The following CLSTN2 variants were observed in gnomAD, a reference collection of about 807,000 sequenced individuals.
CLSTN2 encodes the protein calsyntenin-2.
Under a neutral mutation model 101.2 loss-of-function variants are expected in CLSTN2, and 48 were observed. The ratio of observed to expected loss-of-function variants is 0.47; its 90% CI spans 0.38 to 0.60. The LOEUF is 0.60. CLSTN2 is among the 20% of genes least tolerant of loss of function. The probability of loss-of-function intolerance (pLI) is 0.00; values close to 1 mark genes in which losing one functional copy is unlikely to be tolerated. For missense variants in CLSTN2, 1,160 were observed against 1,238.2 expected (o/e 0.94, Z 0.95); for synonymous variants, 481 against 463.6 (o/e 1.04, Z -0.48).
intron 8 of CLSTN2, among the ~76,000 whole-genome samples, chr3:140,524,581 G>A (rs1935098829): frequency 6.6e-6 from 1 of 152,096 alleles, no homozygotes; most frequent in African/African-American, 2.4e-5. Flanking sequence ...CTAGACACTT[G>A]ACCAACTGGA....
chr3:140,434,203 A>T (rs2088665480), intron 5 of CLSTN2, among the ~76,000 whole-genome samples: 1 of 152,124 alleles, frequency 6.6e-6, no homozygotes, highest in Non-Finnish European at 1.5e-5. Context: ...TCTACCTCCC[A>T]GAGATCCTGG....
chr3:140,267,271 A>C (rs577604334), intron 2 of CLSTN2, among the ~76,000 whole-genome samples: 43 of 152,308 alleles, frequency 2.8e-4, no homozygotes, highest in Admixed American at 2.7e-3. Flanking sequence ...AAAAAGCAGA[A>C]TGAGGAGAAT....
intron 1 of CLSTN2, among the ~76,000 whole-genome samples, chr3:139,995,719 A>T (rs574909556): frequency 1.6e-4 from 25 of 152,050 alleles, no homozygotes; most frequent in African/African-American, 5.8e-4. Context: ...GGGGCCGCAG[A>T]TCTATCTGCC....
chr3:140,446,014 A>T (rs1201623295), intron 5 of CLSTN2, among the ~76,000 whole-genome samples: 1 of 110,112 alleles, frequency 9.1e-6, no homozygotes, highest in African/African-American at 5.3e-5. Context: ...GGCAAGAGGG[A>T]TAGTGATAGG....
chr3:139,988,421 C>T (rs745421383), intron 1 of CLSTN2, among the ~76,000 whole-genome samples: 1 of 152,206 alleles, frequency 6.6e-6, no homozygotes. Flanking sequence ...ACGGTGACCA[C>T]TTGGTCCATA....
intron 8 of CLSTN2, among the ~76,000 whole-genome samples, chr3:140,483,797 A>G (rs923899503): frequency 3.3e-5 from 5 of 150,982 alleles, no homozygotes; most frequent in African/African-American, 1.2e-4. Flanking sequence ...TTATTTATTT[A>G]TTGCTTTCCG....
At position 140,314,462 on chromosome 3, in the gene CLSTN2, A is replaced by G. The variant is rs571315703; in HGVS notation, c.233-89167A>G. 2.0e-4 allele frequency among the ~76,000 whole-genome samples: 31 copies of G among 152,206 alleles called. No individual in the cohort carries two copies. The South Asian group carries it at 6.4e-3, about 32-fold the overall frequency. ...CCCGTTATACTGGATGAGAGCTGCT[A>G]ACTCTCAAGATCCCACCCATGTGCC... On this transcript the variant is annotated intron_variant, in intron 2 of 16. Transcript: ENST00000458420.
intron 2 of CLSTN2, among the ~76,000 whole-genome samples, chr3:140,274,851 C>T (rs1294454880): frequency 5.3e-5 from 8 of 152,148 alleles, no homozygotes; most frequent in Admixed American, 1.3e-4. Context: ...GCTGGGAAAT[C>T]AGGAAATATT....
intron 6 of CLSTN2, among the ~76,000 whole-genome samples, chr3:140,458,805 C>T (rs1029149678): frequency 3.3e-5 from 5 of 152,202 alleles, no homozygotes; most frequent in South Asian, 2.1e-4. Flanking sequence ...CCTCACAACT[C>T]GCTGGAAAGA....
At chr3:140,318,002 A>C (rs1221677269) in intron 2 of CLSTN2, among the ~76,000 whole-genome samples, 1 of 152,268 alleles carries the variant, frequency 6.6e-6, no homozygotes, top group Non-Finnish European at 1.5e-5. Flanking sequence ...GAGCCAGCGC[A>C]CATTACCGCT....
intron 8 of CLSTN2, among the ~76,000 whole-genome samples, chr3:140,511,581 ACT>A (rs1338416576): frequency 1.7e-5 from 2 of 116,272 alleles, no homozygotes; most frequent in East Asian, 2.3e-4. Context: ...ACAGAGCCTC[ACT>A]CTGTCACCCA....
intron 2 of CLSTN2, among the ~76,000 whole-genome samples, chr3:140,321,565 C>T (rs938660706): frequency 6.6e-6 from 1 of 152,102 alleles, no homozygotes; most frequent in Non-Finnish European, 1.5e-5. Flanking sequence ...ATGTAACACC[C>T]CTGCAAGCTG....
At chr3:140,184,708 C>A (rs2010461737) in intron 2 of CLSTN2, among the ~76,000 whole-genome samples, 1 of 152,086 alleles carries the variant, frequency 6.6e-6, no homozygotes, top group South Asian at 2.1e-4. Flanking sequence ...TTCATCACAG[C>A]TTAACTGTAG....
chr3:140,101,389 C>A (rs538602128), intron 1 of CLSTN2, among the ~76,000 whole-genome samples: 1 of 152,306 alleles, frequency 6.6e-6, no homozygotes, highest in South Asian at 2.1e-4. Flanking sequence ...TTGTATGCAT[C>A]TCATAGGAAT....
chr3:140,505,647 A>C (rs562536327), intron 8 of CLSTN2: 32 of 152,352 alleles, frequency 2.1e-4, no homozygotes, highest in African/African-American at 7.5e-4. Context: ...TTTATTTACC[A>C]TCACTGAGAT....
intron 1 of CLSTN2, among the ~76,000 whole-genome samples, chr3:139,947,642 G>A (rs1013782981): frequency 3.3e-5 from 5 of 152,108 alleles, no homozygotes; most frequent in South Asian, 4.1e-4. Flanking sequence ...CTAAGACCCC[G>A]ATTTCACCTT....
At chr3:140,538,632 A>C (rs1400657876) in intron 9 of CLSTN2, among the ~76,000 whole-genome samples, 1 of 152,196 alleles carries the variant, frequency 6.6e-6, no homozygotes, top group Non-Finnish European at 1.5e-5. Flanking sequence ...AGAGGCTTGG[A>C]GTGCATGCCT....
chr3:140,230,812 C>A (rs2086364827), intron 2 of CLSTN2, among the ~76,000 whole-genome samples: 1 of 152,120 alleles, frequency 6.6e-6, no homozygotes, highest in Non-Finnish European at 1.5e-5. Context: ...CATATGAACC[C>A]TACAGATGAT....
intron 1 of CLSTN2, among the ~76,000 whole-genome samples, chr3:140,028,331 C>A (rs965595863): frequency 1.3e-5 from 2 of 152,162 alleles, no homozygotes; most frequent in African/African-American, 4.8e-5. Context: ...CTAGCTACTT[C>A]TCTTATCATT....
Sources: gnomAD v4.1 joint callset for allele counts (sites outside exome capture counted in the v4.1 genomes callset) on GRCh38, gnomAD v4.1.1 for gene constraint, MANE v1.5 for transcripts, NCBI Gene and HGNC (gene_info 2026-07-23, HGNC 2026-07-21) for gene names.